PMM1: variants seen among roughly 807,000 people sequenced by gnomAD.
The protein encoded by PMM1 is phosphomannomutase 1, also known as brain glucose-1,6-bisphosphatase.
A neutral mutation model predicts 34.0 loss-of-function variants in PMM1; 25 were observed. The observed-to-expected ratio is 0.73, with a 90% CI of 0.54 to 1.03. The LOEUF (loss-of-function observed/expected upper bound fraction) is 1.03. Among genes scored for constraint, PMM1 ranks in the 50% least tolerant of loss-of-function variants. The pLI is 0.00. For synonymous variants in PMM1, 134 were observed against 143.9 expected (o/e 0.93, Z 0.49); for missense variants, 321 against 350.1 (o/e 0.92, Z 0.66).
chr22:41,583,451 C>T (rs980120109), intron 5 of PMM1, among the ~76,000 whole-genome samples: 5 of 152,142 alleles, frequency 3.3e-5, no homozygotes, highest in African/African-American at 1.2e-4. Context: ...CACTGCACTC[C>T]AGCCTCTATC....
chr22:41,584,220 G>T, intron 4 of PMM1, 61 bp downstream of exon 4: 1 of 1,486,958 alleles, frequency 6.7e-7, no homozygotes, highest in Non-Finnish European at 9.4e-7. Context: ...TCCCTCTGAG[G>T]GACCCACACT....
chr22:41,586,368 A>T, intron 1 of PMM1, 175 bp from the exon 2 acceptor site: 3 of 1,204,286 alleles, frequency 2.5e-6, no homozygotes, highest in Non-Finnish European at 3.3e-6. Flanking sequence ...CAGGTCTGCA[A>T]TCCCAACACT....
rs145329269 is a variant in PMM1 at position 41,583,178 on chromosome 22, A to G, written c.474+781T>C. 8.3e-4 allele frequency among the ~76,000 whole-genome samples: 126 copies of G among 152,178 alleles called. 6 individuals carry two copies. In the East Asian group the frequency reaches 0.021, roughly 25 times the overall value. On this transcript the variant is annotated intron_variant, in intron 5 of 7. Coordinates refer to ENST00000216259, the MANE Select transcript of PMM1 (RefSeq NM_002676.3). ...GGGCTGGGGGGTGAATGCGGCTGACATGTTTGAAAGGTTCTAATGGGCTGT... is the reference window on the plus strand; with the variant it reads ...GGGCTGGGGGGTGAATGCGGCTGACGTGTTTGAAAGGTTCTAATGGGCTGT...
chr22:41,579,021 C>T (rs1445366085), intron 5 of PMM1, 140 bp from the exon 6 acceptor site: 1 of 680,604 alleles, frequency 1.5e-6, no homozygotes, highest in African/African-American at 1.8e-5. Context: ...AACTAAGGCT[C>T]AGAGAGGGGT....
At chr22:41,586,762 G>A (rs1171588446) in intron 1 of PMM1, among the ~76,000 whole-genome samples, 1 of 151,032 alleles carries the variant, frequency 6.6e-6, no homozygotes, top group African/African-American at 2.4e-5. Flanking sequence ...ATCCGCCTGG[G>A]CCTCCCAAAG....
In PMM1 at chr22:41,584,045, C is replaced by T. The variant is rs767597514; in HGVS notation, c.388G>A (p.Glu130Lys). Reference protein sequence around the residue: ...RLPKKRGTFIEFRNGMLNISP... With the variant: ...RLPKKRGTFIKFRNGMLNISP... The stretch of plus-strand genomic sequence containing the variant: ...ATGTTCAGCATGCCATTCCGGAACT[C>T]GATGAAGGTTCCACTGGTGGTGAGG... The change falls in exon 5 of 8, where the codon GAG becomes AAG. Residue 130 changes from glutamate (E) to lysine (K), a missense_variant. Glu to Lys is a moderately conservative substitution (Grantham distance 56, BLOSUM62 1). Transcript: ENST00000216259. 1 of 1,613,376 alleles carries T rather than the reference C, an allele frequency of 6.2e-7. No individual in the cohort carries two copies. Among genetic ancestry groups the T allele is most frequent in the Non-Finnish European group, 8.5e-7 (1 of 1,179,368 alleles).
chr22:41,578,032 G>A, intron 6 of PMM1, 109 bp from the exon 7 acceptor site: 2 of 768,410 alleles, frequency 2.6e-6, no homozygotes, highest in Non-Finnish European at 4.5e-6. Context: ...TGCCTACTGA[G>A]GGCCAGGAAT....
At chr22:41,584,754 CT>C in intron 2 of PMM1, 151 bp from the exon 3 acceptor site, 1 of 597,358 alleles carries the variant, frequency 1.7e-6, no homozygotes, top group Non-Finnish European at 3.0e-6. Flanking sequence ...CTTCTCCAGC[CT>C]TTCTCCCTCT....
intron 2 of PMM1, 149 bp downstream of exon 2, chr22:41,585,927 A>G (rs6002412): frequency 0.055 from 36,307 of 655,992 alleles, 5,515 homozygotes; most frequent in African/African-American, 0.44. Context: ...GGCAATAGGA[A>G]GTGCTCAAGT....
chr22:41,586,280 G>C (rs2067306964), intron 1 of PMM1, 87 bp from the exon 2 acceptor site: 10 of 1,577,436 alleles, frequency 6.3e-6, no homozygotes, highest in Non-Finnish European at 8.5e-6. Context: ...TGAGAACCCA[G>C]GAAGCCCACA....
chr22:41,586,567 G>A (rs772388493), intron 1 of PMM1: 1 of 188,024 alleles, frequency 5.3e-6, no homozygotes, highest in Non-Finnish European at 1.1e-5. Flanking sequence ...GGAGTGCGAT[G>A]GCGTGATCTC....
chr22:41,581,487 T>G (rs929090266), intron 5 of PMM1, among the ~76,000 whole-genome samples: 2 of 152,196 alleles, frequency 1.3e-5, no homozygotes, highest in Non-Finnish European at 2.9e-5. Flanking sequence ...CTATGTGACC[T>G]CGGGCAGGGC....
At position 41,584,574 on chromosome 22, in the gene PMM1, C is replaced by T. The variant is rs142212781; in HGVS notation, c.235G>A (p.Glu79Lys). Residue 79 changes from glutamate (E) to lysine (K), a missense_variant, in exon 3 of 8, where the codon GAG (glutamate) becomes AAG (lysine). Coordinates refer to ENST00000216259, the MANE Select transcript of PMM1 (RefSeq NM_002676.3). ...TGCTTATACTGCACCGTCCCGTTCT[C>T]GGCAAACACATAATCAAACTTCTCA... ...VIEKFDYVFA[E>K]NGTVQYKHGR... The T allele has an allele frequency of 4.4e-5, 71 of 1,613,800 alleles. No individual in the cohort carries two copies. Among genetic ancestry groups the T allele is most frequent in the Non-Finnish European group, 5.5e-5 (65 of 1,179,950 alleles).
At chr22:41,580,805 C>A (rs1292491968) in intron 5 of PMM1, 1 of 151,966 alleles carries the variant, frequency 6.6e-6, no homozygotes, top group African/African-American at 2.4e-5. Flanking sequence ...CATGGCAAAA[C>A]CCTGTCCCTA....
Position 41,577,028 on chromosome 22 carries a change from C to T in PMM1, c.*290G>A, listed in dbSNP as rs1168787679. 1 of 474,010 alleles carries T rather than the reference C, an allele frequency of 2.1e-6. No homozygotes were observed. Among genetic ancestry groups the T allele is most frequent in the Admixed American group, 3.4e-5 (1 of 29,726 alleles). The allele number at this position is 474,010 out of a possible 1,614,324, so 29.4% of individuals were successfully genotyped here. On this transcript the variant is annotated 3_prime_UTR_variant, in exon 8 of 8. Coordinates refer to ENST00000216259, the MANE Select transcript of PMM1 (RefSeq NM_002676.3). ...GTACCGATACTTGAGCACGCCTCCT[C>T]CTGGTGCAGAAAGAAACCTCTTCTG...
chr22:41,587,319 A>T (rs1427074359), intron 1 of PMM1, among the ~76,000 whole-genome samples: 7 of 151,666 alleles, frequency 4.6e-5, no homozygotes, highest in Admixed American at 1.3e-4. Flanking sequence ...AAGCGCCTGT[A>T]ATCCCAGCTA....
Position 41,583,833 on chromosome 22 carries a change from T to TG in PMM1, c.474+125dup, listed in dbSNP as rs539126661. The TG allele has an allele frequency of 6.1e-5, 42 of 686,040 alleles. No homozygotes were observed. In the South Asian group the frequency reaches 6.8e-4, roughly 11 times the overall value. The allele number at this position is 686,040 out of a possible 1,614,324, so 42.5% of individuals were successfully genotyped here. A position where few individuals can be genotyped will look rare whatever the true frequency, so the allele number is the denominator to read the frequency against. Reference sequence around the variant, plus strand: ...GTCTACAACAATGGCACACAGTAGGTGCCTGAAAGGGTATCAGTTAAATCA... The same window carrying TG: ...GTCTACAACAATGGCACACAGTAGGTGGCCTGAAAGGGTATCAGTTAAATCA... On this transcript the variant is annotated intron_variant, in intron 5 of 7. Transcript: ENST00000216259.
In PMM1 at chr22:41,577,401, C is replaced by T. The variant is rs1316289129; in HGVS notation, c.706G>A (p.Val236Ile). Reference protein sequence around the residue: ...DFEIFADPRTVGHSVVSPQDT... With the variant: ...DFEIFADPRTIGHSVVSPQDT... ...TGAGGAGACACCACGCTGTGGCCAA[C>T]AGTCCGGGGGTCGGCAAAGATCTCA... is the stretch of plus-strand genomic sequence containing the variant. Residue 236 changes from valine (V) to isoleucine (I), a missense_variant, in exon 8 of 8, where the codon GTT becomes ATT. By Grantham distance (29) the Val-to-Ile change is conservative. Coordinates refer to ENST00000216259, the MANE Select transcript of PMM1 (RefSeq NM_002676.3). The T allele has an allele frequency of 6.2e-7, 1 of 1,612,738 alleles. No homozygotes were observed. Among genetic ancestry groups the T allele is most frequent in the East Asian group, 2.2e-5 (1 of 44,894 alleles).
rs75613921 is a variant in PMM1, at chr22:41,577,004, T to A, written c.*314A>T. On this transcript the variant is annotated 3_prime_UTR_variant, in exon 8 of 8. Coordinates refer to ENST00000216259, the MANE Select transcript of PMM1 (RefSeq NM_002676.3). ...GGCAGGCAGGGCAGGCTAGATCTCG[T>A]ACCGATACTTGAGCACGCCTCCTCC... 5,651 of 429,376 alleles carry A rather than the reference T, an allele frequency of 0.013. 282 individuals are homozygous for A. Among genetic ancestry groups the A allele is most frequent in the African/African-American group, 0.1 (5,175 of 49,660 alleles). 26.6% of individuals were successfully genotyped at this position (429,376 alleles called of 1,614,324 possible). A position where few individuals can be genotyped will look rare whatever the true frequency, so the allele number is the denominator to read the frequency against.
Sources: allele counts gnomAD v4.1 joint callset (sites outside exome capture counted in the v4.1 genomes callset), GRCh38; gene constraint gnomAD v4.1.1; transcripts MANE v1.5; gene names NCBI Gene and HGNC (gene_info 2026-07-23, HGNC 2026-07-21).